AGBL3: variants seen among roughly 807,000 people sequenced by gnomAD.
AGBL3 encodes the protein AGBL carboxypeptidase 3, also known as cytosolic carboxypeptidase 3.
AGBL3 carries 68 observed loss-of-function variants against 94.5 expected under a neutral mutation model. The ratio of observed to expected loss-of-function variants is 0.72; its 90% CI spans 0.59 to 0.88. The LOEUF is 0.88. Ranked by LOEUF, AGBL3 falls within the 40% of genes least tolerant of loss-of-function variation. AGBL3 has a pLI of 0.00. For synonymous variants in AGBL3, 354 were observed against 370.7 expected (o/e 0.95, Z 0.52); for missense variants, 934 against 1,103.8 (o/e 0.85, Z 2.18).
chr7:135,075,640 C>A (rs1226536067), intron 12 of AGBL3, among the ~76,000 whole-genome samples: 2 of 152,142 alleles, frequency 1.3e-5, no homozygotes, highest in East Asian at 3.9e-4. Context: ...ATGTTTAATT[C>A]TTTAATTGAC....
chr7:135,081,696 A>T (rs1310881773), intron 14 of AGBL3, 23 bp from the exon 15 acceptor site: 1 of 1,469,780 alleles, frequency 6.8e-7, no homozygotes, highest in Non-Finnish European at 9.3e-7. Context: ...TCATGCTACT[A>T]TGATCTTTAT....
intron 1 of AGBL3, among the ~76,000 whole-genome samples, chr7:134,987,068 C>G (rs1386014942): frequency 6.6e-6 from 1 of 152,248 alleles, no homozygotes; most frequent in Non-Finnish European, 1.5e-5. Flanking sequence ...TTGTGATGCC[C>G]AGGCAGAAAC....
rs56802015 is a variant in AGBL3, at chr7:135,126,652, T to G, written c.2343-8189T>G. Among the ~76,000 whole-genome samples, 2,736 of 152,258 alleles carry G rather than the reference T, an allele frequency of 0.018. 173 individuals are homozygous for G. The East Asian group carries it at 0.23, about 13-fold the overall frequency. ...CTAACTTCAAACTGTACTACGAGGC[T>G]ACAGTAACCAAAACAGATATATAGA... On this transcript the variant is annotated intron_variant, in intron 16 of 16. Transcript: ENST00000436302.
intron 15 of AGBL3, among the ~76,000 whole-genome samples, chr7:135,106,995 G>A (rs1396865213): frequency 6.6e-6 from 1 of 152,102 alleles, no homozygotes; most frequent in Non-Finnish European, 1.5e-5. Context: ...TCTAGTTTGT[G>A]TGCATAGACA....
chr7:135,127,465 G>C (rs1004998749), intron 16 of AGBL3, among the ~76,000 whole-genome samples: 2 of 151,700 alleles, frequency 1.3e-5, no homozygotes, highest in Admixed American at 1.3e-4. Context: ...AGGCAGGGGA[G>C]TTGCTTGAAC....
chr7:135,064,103 A>T (rs1317500084), intron 12 of AGBL3, among the ~76,000 whole-genome samples: 1 of 152,222 alleles, frequency 6.6e-6, no homozygotes, highest in African/African-American at 2.4e-5. Context: ...CCAAATTAAG[A>T]CATATGTCCA....
At chr7:135,003,276 C>T (rs1012331798) in intron 4 of AGBL3, among the ~76,000 whole-genome samples, 3 of 152,060 alleles carry the variant, frequency 2.0e-5, no homozygotes, top group African/African-American at 4.8e-5. Context: ...TACAATGCCA[C>T]ATTTATGATA....
chr7:135,058,614 C>G (rs984412336), intron 11 of AGBL3, among the ~76,000 whole-genome samples: 3 of 151,320 alleles, frequency 2.0e-5, no homozygotes, highest in Non-Finnish European at 4.4e-5. Context: ...CAGCAGTGAG[C>G]CAGACAGAAA....
intron 12 of AGBL3, among the ~76,000 whole-genome samples, chr7:135,070,291 G>T (rs1329553311): frequency 6.6e-6 from 1 of 152,148 alleles, no homozygotes; most frequent in African/African-American, 2.4e-5. Context: ...AATTCTACCA[G>T]ATGTACAAGG....
rs1395462858 is a variant in AGBL3 at position 135,135,663 on chromosome 7, A to G, written c.*402A>G. 1 of 155,142 alleles carries G rather than the reference A, an allele frequency of 6.4e-6. No individual in the cohort carries two copies. The highest frequency in any genetic ancestry group is 1.4e-5 in the Non-Finnish European group (1 of 70,176). The allele number at this position is 155,142 out of a possible 1,614,324, so 9.6% of individuals were successfully genotyped here. On this transcript the variant is annotated 3_prime_UTR_variant, in exon 17 of 17. Coordinates refer to ENST00000436302, the MANE Select transcript of AGBL3 (RefSeq NM_178563.4). ...TTTAATCAATTAGTCAACAAACATC[A>G]TTTCCTGATTTTCTGTTATATCATT...
Position 135,135,512 on chromosome 7 carries a change from GA to G in AGBL3, c.*258del. The G allele has an allele frequency of 7.1e-6, 2 of 281,914 alleles. No homozygotes were observed. Among genetic ancestry groups the G allele is most frequent in the South Asian group, 1.5e-4 (1 of 6,856 alleles). The allele number at this position is 281,914 out of a possible 1,614,324, so 17.5% of individuals were successfully genotyped here. ...TTTATATTTAGTTTTTATCAGCATG[GA>G]AAAAAATCTCTGAAGTTTTGATTTC... On this transcript the variant is annotated 3_prime_UTR_variant, in exon 17 of 17. Coordinates refer to ENST00000436302, the MANE Select transcript of AGBL3 (RefSeq NM_178563.4).
intron 12 of AGBL3, among the ~76,000 whole-genome samples, chr7:135,073,934 G>T (rs1219614198): frequency 7.9e-5 from 12 of 152,078 alleles, no homozygotes; most frequent in Non-Finnish European, 1.5e-5. Flanking sequence ...GGCAGAAATT[G>T]GGCATAAGAC....
intron 15 of AGBL3, among the ~76,000 whole-genome samples, chr7:135,098,558 A>G (rs892982061): frequency 6.6e-5 from 10 of 152,190 alleles, no homozygotes; most frequent in African/African-American, 2.4e-4. Flanking sequence ...TGCTGAAAAC[A>G]TTTTTGTTGA....
At chr7:135,127,708 T>A (rs1320876136) in intron 16 of AGBL3, among the ~76,000 whole-genome samples, 2 of 152,156 alleles carry the variant, frequency 1.3e-5, no homozygotes, top group Non-Finnish European at 2.9e-5. Context: ...GAAATAAGAA[T>A]GCTTTTACTC....
chr7:135,071,609 A>G (rs1265837544), intron 12 of AGBL3, among the ~76,000 whole-genome samples: 4 of 152,220 alleles, frequency 2.6e-5, no homozygotes, highest in African/African-American at 7.2e-5. Context: ...ATAGTGCAGC[A>G]TAACTACAAC....
intron 15 of AGBL3, among the ~76,000 whole-genome samples, chr7:135,112,474 A>C (rs112487902): frequency 4.6e-5 from 7 of 152,174 alleles, no homozygotes; most frequent in African/African-American, 9.6e-5. Context: ...TCTACACCAC[A>C]CTTGTGATTT....
chr7:135,109,695 A>G (rs1825328917), intron 15 of AGBL3, among the ~76,000 whole-genome samples: 1 of 152,136 alleles, frequency 6.6e-6, no homozygotes, highest in Non-Finnish European at 1.5e-5. Context: ...CTTGGTCAGG[A>G]AATTCCTCCC....
At chr7:135,008,175 CA>C (rs367983101) in intron 4 of AGBL3, among the ~76,000 whole-genome samples, 1,806 of 150,112 alleles carry the variant, frequency 0.012, 41 homozygotes, top group African/African-American at 0.041. Flanking sequence ...CCAGAATGGC[CA>C]AAAAAAAGAA....
chr7:135,058,337 A>G lies in AGBL3; in HGVS notation c.1842-832A>G, dbSNP rs931043434. Among the ~76,000 whole-genome samples the G allele has an allele frequency of 7.9e-5, 12 of 152,268 alleles. No homozygotes were observed. In the South Asian group the frequency reaches 1.4e-3, roughly 18 times the overall value. On this transcript the variant is annotated intron_variant, in intron 11 of 16. Coordinates refer to ENST00000436302, the MANE Select transcript of AGBL3 (RefSeq NM_178563.4). ...TATTTTCTTTCTTGTATTGGCTCTCAAGCAAAAAAACGTGCCTACCACTGC... is the reference window on the plus strand; with the variant it reads ...TATTTTCTTTCTTGTATTGGCTCTCGAGCAAAAAAACGTGCCTACCACTGC...
Sources: allele counts gnomAD v4.1 joint callset (sites outside exome capture counted in the v4.1 genomes callset), GRCh38; gene constraint gnomAD v4.1.1; transcripts MANE v1.5; gene names NCBI Gene and HGNC (gene_info 2026-07-23, HGNC 2026-07-21).